Variants in VWCE observed in about 807,000 individuals in gnomAD.
VWCE encodes von Willebrand factor C and EGF domain-containing protein.
VWCE carries 68 observed loss-of-function variants against 102.9 expected under a neutral mutation model. The observed-to-expected ratio is 0.66, with a 90% CI of 0.54 to 0.81. The LOEUF (loss-of-function observed/expected upper bound fraction) is 0.81, where lower values mean the gene tolerates loss of function less well. Ranked by LOEUF, VWCE falls within the 30% of genes least tolerant of loss-of-function variation. The probability of loss-of-function intolerance (pLI) is 0.00; values close to 1 mark genes in which losing one functional copy is unlikely to be tolerated. For missense variants in VWCE, 1,137 were observed against 1,263.6 expected (o/e 0.90, Z 1.52); for synonymous variants, 497 against 515.4 (o/e 0.96, Z 0.48).
chr11:61,287,924 G>A (rs1352404180), intron 4 of VWCE, among the ~76,000 whole-genome samples: 1 of 152,020 alleles, frequency 6.6e-6, no homozygotes, highest in African/African-American at 2.4e-5. Context: ...GGGAGGCCGA[G>A]GTGGGTGGAT....
chr11:61,263,632 G>A (rs879875058), intron 19 of VWCE, among the ~76,000 whole-genome samples: 5 of 152,090 alleles, frequency 3.3e-5, no homozygotes, highest in Admixed American at 6.6e-5. Flanking sequence ...TCAGTTCTTG[G>A]GAATCAATCC....
chr11:61,276,958 GGAGGGGAAGGGCAGGAGAGGA>G (rs1854941889), intron 10 of VWCE, among the ~76,000 whole-genome samples: 2 of 117,866 alleles, frequency 1.7e-5, no homozygotes, highest in Non-Finnish European at 3.6e-5. Flanking sequence ...GGAGGGGAGG[GGAGGGGAAGGGCAGGAGAGGA>G]GAGGGGCAGG....
rs370490562 is a variant in VWCE at position 61,267,578 on chromosome 11, G to A, written c.1883-34C>T. ...GAGAGCATGCGCTGAGCACCAGCTG[G>A]GAGTGGCCAGGCACCAGGCTTCCCG... On this transcript the variant is annotated intron_variant, in intron 15 of 19. Transcript: ENST00000335613. 53 of 1,607,256 alleles carry A rather than the reference G, an allele frequency of 3.3e-5. No homozygotes were observed. The African/African-American group carries it at 4.4e-4, about 13-fold the overall frequency.
At chr11:61,274,450 C>G (rs1373463577) in intron 12 of VWCE, 49 bp downstream of exon 12, 1 of 1,570,576 alleles carries the variant, frequency 6.4e-7, no homozygotes, top group East Asian at 2.3e-5. Flanking sequence ...TTGTGCCTCG[C>G]TCCCCTCTCC....
At chr11:61,276,072 C>T (rs1039437430) in intron 11 of VWCE, among the ~76,000 whole-genome samples, 14 of 152,328 alleles carry the variant, frequency 9.2e-5, no homozygotes, top group Non-Finnish European at 1.8e-4. Flanking sequence ...CACCCCACTC[C>T]ATCGCATACT....
intron 9 of VWCE, among the ~76,000 whole-genome samples, chr11:61,280,194 T>C (rs911660364): frequency 6.6e-6 from 1 of 152,048 alleles, no homozygotes; most frequent in African/African-American, 2.4e-5. Flanking sequence ...GGGCAGAATT[T>C]AGAAACAACT....
chr11:61,269,642 C>T (rs1854616742), intron 14 of VWCE, among the ~76,000 whole-genome samples: 1 of 151,862 alleles, frequency 6.6e-6, no homozygotes, highest in Non-Finnish European at 1.5e-5. Flanking sequence ...GATGGGGTTT[C>T]ACCATGTTGG....
intron 4 of VWCE, 83 bp downstream of exon 4, chr11:61,290,716 T>C: frequency 6.7e-7 from 1 of 1,503,088 alleles, no homozygotes. Flanking sequence ...TGCAATACAC[T>C]GGAGACCATC....
chr11:61,259,381 GGT>G, intron 19 of VWCE, 69 bp from the exon 20 acceptor site: 2 of 1,504,754 alleles, frequency 1.3e-6, no homozygotes, highest in South Asian at 2.7e-5. Flanking sequence ...TCTGGGACAA[GGT>G]ATACCAGGGA....
Position 61,259,067 on chromosome 11 carries a change from G to A in VWCE, c.2476C>T (p.Leu826Phe). 1 of 1,614,032 alleles carries A rather than the reference G, an allele frequency of 6.2e-7. No homozygotes were observed. Among genetic ancestry groups the A allele is most frequent in the Non-Finnish European group, 8.5e-7 (1 of 1,179,910 alleles). Residue 826 changes from leucine (L) to phenylalanine (F), a missense_variant, in exon 20 of 20, where the codon CTC becomes TTC. By Grantham distance (22) the Leu-to-Phe change is conservative. Coordinates refer to ENST00000335613, the MANE Select transcript of VWCE (RefSeq NM_152718.2). ...SPAGAHGPHSLALGLTATFPG... is the reference protein window; with the variant it reads ...SPAGAHGPHSFALGLTATFPG... ...AAAGTGGCTGTCAGCCCCAAAGCGA[G>A]TGAGTGTGGACCATGAGCTCCTGCC...
In VWCE at chr11:61,291,520, C is replaced by A; in HGVS notation, c.167G>T (p.Gly56Val). The change falls in exon 2 of 20, where the codon GGC (glycine) becomes GTC (valine). Residue 56 changes from glycine to valine, a missense_variant. Around this residue, in one of 5 missense-constraint regions of VWCE, gnomAD observed 575 missense variants for 625.9 expected, o/e 0.92. Transcript: ENST00000335613. ...LSGFGSGCCP[G>V]WAPSMGGGHC... ...CCCACCACCCATAGAGGGCGCCCAG[C>A]CAGGGCAGCAGCCACTCCCAAACCC... 1.3e-6 allele frequency: 2 copies of A among 1,517,586 alleles called. No homozygotes were observed. The highest frequency in any genetic ancestry group is 1.8e-6 in the Non-Finnish European group (2 of 1,127,296). The allele number at this position is 1,517,586 out of a possible 1,614,324, so 94.0% of individuals were successfully genotyped here. A position where few individuals can be genotyped will look rare whatever the true frequency, so the allele number is the denominator to read the frequency against.
chr11:61,282,093 T>C (rs113054538), intron 6 of VWCE, among the ~76,000 whole-genome samples, 179 bp from the exon 7 acceptor site: 3 of 152,314 alleles, frequency 2.0e-5, no homozygotes, highest in African/African-American at 7.2e-5. Context: ...AATCTAGTGC[T>C]TGTCTTGTTA....
rs2134740701 is a variant in VWCE at position 61,265,144 on chromosome 11, C to T, written c.2034G>A (p.Gly678=). 1 of 1,590,478 alleles carries T rather than the reference C, an allele frequency of 6.3e-7. No individual in the cohort carries two copies. Among genetic ancestry groups the T allele is most frequent in the Non-Finnish European group, 8.6e-7 (1 of 1,168,086 alleles). The change falls in exon 17 of 20, where the codon GGG becomes GGA. Residue 678 remains glycine, a synonymous_variant. Transcript: ENST00000335613. ...ITCTYPFHPD[G]ECCPVCRDCN... The stretch of plus-strand genomic sequence containing the variant: ...CACCTCGGCACACGGGGCAGCACTC[C>T]CCGTCAGGGTGGAAAGGGTAGGTAC...
chr11:61,265,506 A>T (rs1802826764), intron 16 of VWCE, among the ~76,000 whole-genome samples: 1 of 152,176 alleles, frequency 6.6e-6, no homozygotes, highest in Admixed American at 6.5e-5. Flanking sequence ...CCGATAGAGA[A>T]AGATCCAGGG....
In VWCE at chr11:61,286,435, A is replaced by T; in HGVS notation, c.425-5T>A. 6.2e-7 allele frequency: 1 copy of T among 1,609,586 alleles called. No individual in the cohort carries two copies. The highest frequency in any genetic ancestry group is 8.5e-7 in the Non-Finnish European group (1 of 1,178,666). On this transcript the variant is annotated splice_polypyrimidine_tract_variant and splice_region_variant and intron_variant, in intron 4 of 19. Coordinates refer to ENST00000335613, the MANE Select transcript of VWCE (RefSeq NM_152718.2). ...AGGTTACACATTCGTCAATGTCTGG[A>T]AAGACAGAAAGCACGTGTTTACACA...
intron 5 of VWCE, among the ~76,000 whole-genome samples, chr11:61,285,387 T>C (rs1425099234): frequency 1.3e-5 from 2 of 152,184 alleles, no homozygotes; most frequent in Admixed American, 6.5e-5. Flanking sequence ...GAATGAGTAA[T>C]AATTGTAAGA....
At chr11:61,271,236 C>T (rs1050013630) in intron 14 of VWCE, 1 of 181,584 alleles carries the variant, frequency 5.5e-6, no homozygotes, top group Non-Finnish European at 1.2e-5. Context: ...ACCTCCTCCT[C>T]CCGGGTTCAA....
chr11:61,281,289 G>A, intron 7 of VWCE, 54 bp from the exon 8 acceptor site: 1 of 1,601,230 alleles, frequency 6.2e-7, no homozygotes, highest in Non-Finnish European at 8.5e-7. Flanking sequence ...CAGGAGGCAG[G>A]GTTTAGGGAG....
In VWCE at chr11:61,294,603, C is replaced by T. The variant is rs2134870074; in HGVS notation, c.110+325G>A. The stretch of plus-strand genomic sequence containing the variant: ...ACGCTGGGGGGTGAGCCAGCCAGTC[C>T]GGAGACCAGATGGCACGTCCTGGGC... On this transcript the variant is annotated intron_variant, in intron 1 of 19. Coordinates refer to ENST00000335613, the MANE Select transcript of VWCE (RefSeq NM_152718.2). This position sits in a 1 kb window ranked among gnomAD's most constrained non-coding sequence, Gnocchi z 6.3. Among the ~76,000 whole-genome samples, 1 of 152,252 alleles carries T rather than the reference C, an allele frequency of 6.6e-6. No homozygotes were observed. Among genetic ancestry groups the T allele is most frequent in the Non-Finnish European group, 1.5e-5 (1 of 68,000 alleles).
Sources: allele counts gnomAD v4.1 joint callset (sites outside exome capture counted in the v4.1 genomes callset), GRCh38; gene constraint gnomAD v4.1.1; regional missense constraint gnomAD v4.1.1; non-coding constraint Gnocchi (gnomAD v3.1); transcripts MANE v1.5; gene names NCBI Gene and HGNC (gene_info 2026-07-23, HGNC 2026-07-21).